The following EFNA3 variants were observed in gnomAD, a reference collection of about 807,000 sequenced individuals.
The protein encoded by EFNA3 is ephrin A3, also known as ephrin-A3.
Under a neutral mutation model 25.0 loss-of-function variants are expected in EFNA3, and 15 were observed. The ratio of observed to expected loss-of-function variants is 0.60; its 90% CI spans 0.40 to 0.92. The LOEUF is 0.92. Ranked by LOEUF, EFNA3 falls within the 40% of genes least tolerant of loss-of-function variation. The pLI, the probability that EFNA3 is intolerant of heterozygous loss-of-function variation, is 0.00. For synonymous variants in EFNA3, 153 were observed against 145.6 expected, an observed-to-expected ratio of 1.05 and a Z score of -0.37; for missense variants, 298 against 323.8, an observed-to-expected ratio of 0.92 and a Z score of 0.61.
intron 3 of EFNA3, 59 bp from the exon 4 acceptor site, chr1:155,086,069 G>A (rs1663449959): frequency 1.3e-6 from 2 of 1,588,340 alleles, no homozygotes; most frequent in Non-Finnish European, 1.7e-6. Flanking sequence ...GTAGCAAGGG[G>A]AGGGAATCCT....
In EFNA3 at chr1:155,086,727, G is replaced by A; in HGVS notation, c.*184G>A. 1 of 721,074 alleles carries A rather than the reference G, an allele frequency of 1.4e-6. No individual in the cohort carries two copies. The highest frequency in any genetic ancestry group is 2.8e-5 in the East Asian group (1 of 35,118). 44.7% of individuals were successfully genotyped at this position (721,074 alleles called of 1,614,324 possible). ...TCCCCCCACGTAGGGCACTGTAGTG[G>A]ACCAAGCACGGGGACAGCCATGGGT... On this transcript the variant is annotated 3_prime_UTR_variant, in exon 5 of 5. Coordinates refer to ENST00000368408, the MANE Select transcript of EFNA3 (RefSeq NM_004952.5).
intron 3 of EFNA3, 25 bp from the exon 4 acceptor site, chr1:155,086,103 T>TGCCCCCCCCC: frequency 1.3e-6 from 2 of 1,577,718 alleles, no homozygotes; most frequent in Non-Finnish European, 1.7e-6. Flanking sequence ...CCCTCCTCTC[T>TGCCCCCCCCC]CCCCACCCGC....
At position 155,081,082 on chromosome 1, in the gene EFNA3, C is replaced by T. The variant is rs1361941633; in HGVS notation, c.128+2013C>T. 3.3e-5 allele frequency among the ~76,000 whole-genome samples: 5 copies of T among 152,160 alleles called. No individual in the cohort carries two copies. The highest frequency in any genetic ancestry group is 1.2e-4 in the African/African-American group (5 of 41,432). ...CCACCTCCCGTCACGTGCGGAGGGTCTCTGCCCCTTGGGGTCACGTGGGGA... is the reference window on the plus strand; with the variant it reads ...CCACCTCCCGTCACGTGCGGAGGGTTTCTGCCCCTTGGGGTCACGTGGGGA... On this transcript the variant is annotated intron_variant, in intron 1 of 4. Coordinates refer to ENST00000368408, the MANE Select transcript of EFNA3 (RefSeq NM_004952.5). This position sits in a 1 kb window ranked among gnomAD's most constrained non-coding sequence, Gnocchi z 5.2.
At position 155,085,117 on chromosome 1, in the gene EFNA3, A is replaced by C. The variant is rs1663427484; in HGVS notation, c.155A>C (p.Gln52Pro). Residue 52 changes from glutamine to proline, a missense_variant, in exon 2 of 5, where the codon CAG becomes CCG. Coordinates refer to ENST00000368408, the MANE Select transcript of EFNA3 (RefSeq NM_004952.5). This position sits in a 1 kb window ranked among gnomAD's most constrained non-coding sequence, Gnocchi z 4.4. The stretch of plus-strand genomic sequence containing the variant: ...CTGCGGCGAGAGGGCTACACCGTGC[A>C]GGTGAACGTGAACGACTATCTGGAT... ...QHLRREGYTV[Q>P]VNVNDYLDIY... 1 of 1,613,774 alleles carries C rather than the reference A, an allele frequency of 6.2e-7. No homozygotes were observed. Among genetic ancestry groups the C allele is most frequent in the East Asian group, 2.2e-5 (1 of 44,866 alleles).
Position 155,079,916 on chromosome 1 carries a change from T to C in EFNA3, c.128+847T>C, listed in dbSNP as rs990031939. Among the ~76,000 whole-genome samples, 3 of 151,598 alleles carry C rather than the reference T, an allele frequency of 2.0e-5. No individual in the cohort carries two copies. The highest frequency in any genetic ancestry group is 4.4e-5 in the Non-Finnish European group (3 of 67,896). On this transcript the variant is annotated intron_variant, in intron 1 of 4. Coordinates refer to ENST00000368408, the MANE Select transcript of EFNA3 (RefSeq NM_004952.5). The surrounding 1 kb of genome is among the most constrained non-coding windows in gnomAD (Gnocchi z 7.7). The stretch of plus-strand genomic sequence containing the variant: ...CCAGCTGCGTCTGGGCTGGGGTGGC[T>C]GTTGGCGCCGCCGCGGTCTGGGCGG...
rs1191481105 is a variant in EFNA3, at chr1:155,085,289, G to T, written c.327G>T (p.Glu109Asp). ...CCAGCCAGGGCTTCAAGCGCTGGGA[G>T]TGCAACCGGCCGCACGCCCCGCACA... Reference protein sequence around the residue: ...CNASQGFKRWECNRPHAPHSP... With the variant: ...CNASQGFKRWDCNRPHAPHSP... The change falls in exon 2 of 5, where the codon GAG (glutamate) becomes GAT (aspartate). Residue 109 changes from glutamate (E) to aspartate (D), a missense_variant. Glu to Asp is a conservative substitution (Grantham distance 45, BLOSUM62 2). Coordinates refer to ENST00000368408, the MANE Select transcript of EFNA3 (RefSeq NM_004952.5). This position sits in a 1 kb window ranked among gnomAD's most constrained non-coding sequence, Gnocchi z 4.4. The T allele has an allele frequency of 6.2e-7, 1 of 1,613,078 alleles. No homozygotes were observed. Among genetic ancestry groups the T allele is most frequent in the Non-Finnish European group, 8.5e-7 (1 of 1,179,632 alleles).
chr1:155,086,849 G>A lies in EFNA3; in HGVS notation c.*306G>A. 9.4e-6 allele frequency: 3 copies of A among 318,266 alleles called. No homozygotes were observed. The highest frequency in any genetic ancestry group is 1.8e-5 in the Non-Finnish European group (3 of 168,864). 19.7% of individuals were successfully genotyped at this position (318,266 alleles called of 1,614,324 possible). On this transcript the variant is annotated 3_prime_UTR_variant, in exon 5 of 5. Transcript: ENST00000368408. ...TCCCTGGCCCCTGGTACCTTTCCCT[G>A]ACTCCTGGTGCCCTCTCCCTTTGTC...
rs552564448 is a variant in EFNA3, at chr1:155,084,567, C to G, written c.129-524C>G. On this transcript the variant is annotated intron_variant, in intron 1 of 4. Coordinates refer to ENST00000368408, the MANE Select transcript of EFNA3 (RefSeq NM_004952.5). Reference sequence around the variant, plus strand: ...GGGCAGGTCCTGTTGGACTGGCCTCCGGGGTGGACTGGCAGCCGCAGGGAA... The same window carrying G: ...GGGCAGGTCCTGTTGGACTGGCCTCGGGGGTGGACTGGCAGCCGCAGGGAA... Among the ~76,000 whole-genome samples, 117 of 152,360 alleles carry G rather than the reference C, an allele frequency of 7.7e-4. 1 individual carries two copies. In the South Asian group the frequency reaches 0.023, roughly 30 times the overall value.
In EFNA3 at chr1:155,085,072, C is replaced by T. The variant is rs1300095360; in HGVS notation, c.129-19C>T. ...GCTCTGGGGTTTCTTCTCTCTGAGCCGCTTCCTCTTCCCCACAGCCTGCGG... is the reference window on the plus strand; with the variant it reads ...GCTCTGGGGTTTCTTCTCTCTGAGCTGCTTCCTCTTCCCCACAGCCTGCGG... On this transcript the variant is annotated intron_variant, in intron 1 of 4. Transcript: ENST00000368408. The surrounding 1 kb of genome is among the most constrained non-coding windows in gnomAD (Gnocchi z 4.4). 6.2e-7 allele frequency: 1 copy of T among 1,612,062 alleles called. No individual in the cohort carries two copies. The highest frequency in any genetic ancestry group is 8.5e-7 in the Non-Finnish European group (1 of 1,179,486).
rs2102451193 is a variant in EFNA3, at chr1:155,080,751, GC to G, written c.128+1685del. ...GAAAGCTCAGGGAGCGGGTGGGGGA[GC>G]CCGGGTTCCGGGAGCCTCCTTTCTG... is the stretch of plus-strand genomic sequence containing the variant. On this transcript the variant is annotated intron_variant, in intron 1 of 4. Transcript: ENST00000368408. The surrounding 1 kb of genome is among the most constrained non-coding windows in gnomAD (Gnocchi z 7.0). Among the ~76,000 whole-genome samples the G allele has an allele frequency of 6.6e-6, 1 of 152,348 alleles. No homozygotes were observed. The highest frequency in any genetic ancestry group is 2.4e-5 in the African/African-American group (1 of 41,588).
rs1382500839 is a variant in EFNA3 at position 155,086,272 on chromosome 1, C to T, written c.586+67C>T. The T allele has an allele frequency of 1.9e-6, 3 of 1,595,458 alleles. No individual in the cohort carries two copies. The East Asian group carries it at 6.7e-5, about 36-fold the overall frequency. On this transcript the variant is annotated intron_variant, in intron 4 of 4. Coordinates refer to ENST00000368408, the MANE Select transcript of EFNA3 (RefSeq NM_004952.5). ...GCAGCCCCCCGCCCCGGTGCCTGCT[C>T]ACCTCGCATGCCTTCCCTGGGGGCA...
rs1023634280 is a variant in EFNA3, at chr1:155,080,261, C to T, written c.128+1192C>T. On this transcript the variant is annotated intron_variant, in intron 1 of 4. Coordinates refer to ENST00000368408, the MANE Select transcript of EFNA3 (RefSeq NM_004952.5). This position sits in a 1 kb window ranked among gnomAD's most constrained non-coding sequence, Gnocchi z 7.0. ...GGGGACCGGGAGGGCCGGGCGGCCG[C>T]GACCCCCAACCTCTCGGAGGAGGGG... 6.6e-6 allele frequency among the ~76,000 whole-genome samples: 1 copy of T among 152,046 alleles called. No individual in the cohort carries two copies. The highest frequency in any genetic ancestry group is 2.4e-5 in the African/African-American group (1 of 41,390).
At position 155,085,772 on chromosome 1, in the gene EFNA3, G is replaced by A. The variant is rs1183416495; in HGVS notation, c.443-105G>A. The A allele has an allele frequency of 1.4e-6, 2 of 1,403,120 alleles. No individual in the cohort carries two copies. The highest frequency in any genetic ancestry group is 2.0e-6 in the Non-Finnish European group (2 of 1,018,204). 86.9% of individuals were successfully genotyped at this position (1,403,120 alleles called of 1,614,324 possible). ...AAAGGGTAGGGGAGCTCCTGAAGGA[G>A]ACCGCCCGACGGGGACAGTTTGGAG... On this transcript the variant is annotated intron_variant, in intron 2 of 4. Transcript: ENST00000368408. This position sits in a 1 kb window ranked among gnomAD's most constrained non-coding sequence, Gnocchi z 4.4.
rs1037557681 is a variant in EFNA3, at chr1:155,085,705, G to T, written c.443-172G>T. On this transcript the variant is annotated intron_variant, in intron 2 of 4. Transcript: ENST00000368408. The surrounding 1 kb of genome is among the most constrained non-coding windows in gnomAD (Gnocchi z 4.4). ...AGTTTCTTGAGGGGTGGGACCAAAG[G>T]GGCGTCTAGGGCCGACGGCAGAGCT... The T allele has an allele frequency of 2.6e-6, 2 of 757,342 alleles. No homozygotes were observed. The highest frequency in any genetic ancestry group is 4.2e-6 in the Non-Finnish European group (2 of 471,268). 46.9% of individuals were successfully genotyped at this position (757,342 alleles called of 1,614,324 possible).
Position 155,081,716 on chromosome 1 carries a change from C to G in EFNA3, c.128+2647C>G, listed in dbSNP as rs1469844360. ...GGGCCTCTCTGGCCTGCCTGTCTCT[C>G]CTGTTCTCCAAGACTCTCGGTTCTC... On this transcript the variant is annotated intron_variant, in intron 1 of 4. Transcript: ENST00000368408. The surrounding 1 kb of genome is among the most constrained non-coding windows in gnomAD (Gnocchi z 5.2). Among the ~76,000 whole-genome samples, 1 of 152,118 alleles carries G rather than the reference C, an allele frequency of 6.6e-6. No individual in the cohort carries two copies.
At position 155,085,161 on chromosome 1, in the gene EFNA3, A is replaced by T; in HGVS notation, c.199A>T (p.Asn67Tyr). 1 of 1,613,400 alleles carries T rather than the reference A, an allele frequency of 6.2e-7. No homozygotes were observed. The highest frequency in any genetic ancestry group is 8.5e-7 in the Non-Finnish European group (1 of 1,179,974). The change falls in exon 2 of 5, where the codon AAC becomes TAC. Residue 67 changes from asparagine (N) to tyrosine (Y), a missense_variant. Asn to Tyr is a moderately radical substitution (Grantham distance 143). Transcript: ENST00000368408. This position sits in a 1 kb window ranked among gnomAD's most constrained non-coding sequence, Gnocchi z 4.4. ...DYLDIYCPHY[N>Y]SSGVGPGAGP... ...TCTGGATATTTACTGCCCGCACTAC[A>T]ACAGCTCGGGGGTGGGCCCCGGGGC...
intron 4 of EFNA3, 98 bp downstream of exon 4, chr1:155,086,303 A>G: frequency 1.3e-6 from 2 of 1,596,242 alleles, no homozygotes; most frequent in Non-Finnish European, 1.7e-6. Flanking sequence ...GGGCACTGAT[A>G]CTTCCTACCC....
chr1:155,084,980 G>A (rs1663421039), intron 1 of EFNA3, 111 bp from the exon 2 acceptor site: 16 of 1,270,082 alleles, frequency 1.3e-5, no homozygotes, highest in South Asian at 1.2e-4. Context: ...GAAGCTCGGA[G>A]GAAAAGTCGG....
intron 4 of EFNA3, 58 bp downstream of exon 4, chr1:155,086,263 G>C (rs540368560): frequency 6.2e-7 from 1 of 1,601,470 alleles, no homozygotes; most frequent in African/African-American, 1.3e-5. Flanking sequence ...CCCCGCCCCG[G>C]TGCCTGCTCA....
Sources: gnomAD v4.1 joint callset for allele counts (sites outside exome capture counted in the v4.1 genomes callset) on GRCh38, gnomAD v4.1.1 for gene constraint, Gnocchi (gnomAD v3.1) non-coding constraint, MANE v1.5 for transcripts, NCBI Gene and HGNC (gene_info 2026-07-23, HGNC 2026-07-21) for gene names.